The following PRR5 variants were observed in gnomAD, a reference collection of about 807,000 sequenced individuals.
The protein encoded by PRR5 is proline-rich protein 5.
In PRR5, 25 loss-of-function variants were observed where a neutral mutation model predicts 30.6. The ratio of observed to expected loss-of-function variants is 0.82; its 90% CI spans 0.60 to 1.14. PRR5 has a LOEUF of 1.14. Ranked by LOEUF, PRR5 falls within the 50% of genes most tolerant of loss-of-function variation. The pLI is 0.00. For synonymous variants in PRR5, 286 were observed against 247.1 expected (o/e 1.16, Z -1.48); for missense variants, 600 against 547.1 (o/e 1.10, Z -0.96).
chr22:44,717,379 A>T (rs1400912635), intron 2 of PRR5, among the ~76,000 whole-genome samples: 1 of 151,572 alleles, frequency 6.6e-6, no homozygotes, highest in Non-Finnish European at 1.5e-5. Context: ...TTTAGTAGAG[A>T]CGGGGTTTCA....
At chr22:44,699,647 C>T (rs9614882), upstream of PRR5, among the ~76,000 whole-genome samples, 12,446 of 152,296 alleles carry the variant, frequency 0.082, 591 homozygotes, top group East Asian at 0.17. Context: ...CAAGTTGTTA[C>T]GGTTCTTGCC....
intron 1 of PRR5, among the ~76,000 whole-genome samples, chr22:44,682,360 T>G (rs62230575): frequency 0.092 from 13,934 of 152,084 alleles, 796 homozygotes; most frequent in East Asian, 0.27. Context: ...AGGAAGGGGA[T>G]GGGGAGGAGG....
upstream of PRR5, among the ~76,000 whole-genome samples, chr22:44,672,175 C>A (rs924263112): frequency 5.3e-5 from 8 of 152,220 alleles, no homozygotes; most frequent in Non-Finnish European, 2.9e-5. Context: ...ATGCCTGTGC[C>A]CTTCTGTCCC....
At chr22:44,724,048 G>T (rs59981884) in intron 2 of PRR5, among the ~76,000 whole-genome samples, 1 of 152,160 alleles carries the variant, frequency 6.6e-6, no homozygotes, top group Admixed American at 6.5e-5. Context: ...ACTGGAGAGC[G>T]GGCAGCAGAG....
chr22:44,702,576 G>T lies in PRR5; in HGVS notation c.102G>T (p.Gln34His). ...AAAADERGTQQRRACANATWN... is the reference protein window; with the variant it reads ...AAAADERGTQHRRACANATWN... ...CCGCGGACGAGCGGGGCACGCAGCA[G>T]CGCCGGGCCTGCGCCAACGCCACCT... Residue 34 changes from glutamine to histidine, a missense_variant, in exon 1 of 8, where the codon CAG (glutamine) becomes CAT (histidine). Coordinates refer to ENST00000336985, the MANE Select transcript of PRR5 (RefSeq NM_181333.4). 1 of 1,401,994 alleles carries T rather than the reference G, an allele frequency of 7.1e-7. No homozygotes were observed. The allele number at this position is 1,401,994 out of a possible 1,614,324, so 86.8% of individuals were successfully genotyped here. A position where few individuals can be genotyped will look rare whatever the true frequency, so the allele number is the denominator to read the frequency against.
intron 1 of PRR5, chr22:44,679,769 A>T (rs748728535): frequency 5.8e-6 from 9 of 1,562,500 alleles, no homozygotes; most frequent in Non-Finnish European, 7.8e-6. Context: ...ACTCAGTCTG[A>T]TGGGGCAGGC....
At chr22:44,696,753 T>C (rs1482944780) in intron 1 of PRR5, among the ~76,000 whole-genome samples, 1 of 152,012 alleles carries the variant, frequency 6.6e-6, no homozygotes, top group Non-Finnish European at 1.5e-5. Flanking sequence ...ATTTATTTAT[T>C]TGAGATGCAG....
intron 4 of PRR5, chr22:44,731,444 G>T: frequency 1.9e-6 from 1 of 515,490 alleles, no homozygotes; most frequent in Non-Finnish European, 3.5e-6. Context: ...GCCAGGAGCA[G>T]ACCCTGAGCC....
chr22:44,721,040 G>A (rs552944156), intron 2 of PRR5, among the ~76,000 whole-genome samples: 2 of 152,304 alleles, frequency 1.3e-5, no homozygotes, highest in South Asian at 4.1e-4. Flanking sequence ...ATCATGGGCA[G>A]GGAGAAGACC....
intron 1 of PRR5, among the ~76,000 whole-genome samples, chr22:44,695,497 C>T (rs1043476293): frequency 1.3e-5 from 2 of 152,092 alleles, no homozygotes; most frequent in African/African-American, 4.8e-5. Flanking sequence ...TTTTTAGAGC[C>T]TTTTGTGATC....
chr22:44,706,188 C>T (rs954063902), intron 1 of PRR5, among the ~76,000 whole-genome samples: 4 of 152,106 alleles, frequency 2.6e-5, no homozygotes, highest in South Asian at 2.1e-4. Context: ...AATTAAATAC[C>T]GCTGCAAAGA....
intron 1 of PRR5, among the ~76,000 whole-genome samples, chr22:44,694,115 C>A (rs1175711591): frequency 6.6e-6 from 1 of 152,202 alleles, no homozygotes; most frequent in Non-Finnish European, 1.5e-5. Context: ...AGTCTGAATA[C>A]CCAAGGACGG....
chr22:44,700,922 GC>G (rs1926210081), upstream of PRR5, among the ~76,000 whole-genome samples: 1 of 152,114 alleles, frequency 6.6e-6, no homozygotes, highest in Non-Finnish European at 1.5e-5. Context: ...TGCTGTTGTT[GC>G]CCAGGCTGGA....
intron 2 of PRR5, among the ~76,000 whole-genome samples, chr22:44,718,802 G>A (rs986138542): frequency 1.3e-5 from 2 of 152,148 alleles, no homozygotes; most frequent in Non-Finnish European, 2.9e-5. Context: ...CTTCTTTGGA[G>A]AACTGTCTGT....
intron 1 of PRR5, among the ~76,000 whole-genome samples, chr22:44,680,209 A>G (rs1924150052): frequency 6.6e-6 from 1 of 152,176 alleles, no homozygotes; most frequent in Non-Finnish European, 1.5e-5. Flanking sequence ...CAGCTCCACC[A>G]CTATCCAGCT....
chr22:44,702,749 C>A, intron 1 of PRR5, 141 bp downstream of exon 1: 1 of 1,186,366 alleles, frequency 8.4e-7, no homozygotes, highest in Non-Finnish European at 1.1e-6. Context: ...AAAGAACTTG[C>A]CCCGCCGGAG....
rs377146069 is a variant in PRR5 at position 44,724,019 on chromosome 22, T to C, written c.216-1225T>C. Among the ~76,000 whole-genome samples, 13 of 152,370 alleles carry C rather than the reference T, an allele frequency of 8.5e-5. No individual in the cohort carries two copies. The East Asian group carries it at 2.1e-3, about 25-fold the overall frequency. On this transcript the variant is annotated intron_variant, in intron 2 of 7. Coordinates refer to ENST00000336985, the MANE Select transcript of PRR5 (RefSeq NM_181333.4). ...CAGTGATCATTGTACACATCTGTTA[T>C]CTACATTTTGATTTGTGGACTGGAG...
At chr22:44,683,618 C>T (rs1253607129) in intron 1 of PRR5, among the ~76,000 whole-genome samples, 2 of 152,190 alleles carry the variant, frequency 1.3e-5, no homozygotes, top group African/African-American at 4.8e-5. Context: ...GTCCACCCTC[C>T]CAGGCCACCC....
intron 4 of PRR5, among the ~76,000 whole-genome samples, chr22:44,727,203 C>T (rs755650336): frequency 5.9e-5 from 9 of 152,174 alleles, no homozygotes; most frequent in Non-Finnish European, 7.4e-5. Context: ...CTTTAGGGCA[C>T]ACACCCTTTG....
Sources: allele counts gnomAD v4.1 joint callset (sites outside exome capture counted in the v4.1 genomes callset), GRCh38; gene constraint gnomAD v4.1.1; transcripts MANE v1.5; gene names NCBI Gene and HGNC (gene_info 2026-07-23, HGNC 2026-07-21).